TNNT1: variants seen among roughly 807,000 people sequenced by gnomAD.
TNNT1 encodes the protein troponin T1, slow skeletal type.
In TNNT1, 53 loss-of-function variants were observed where a neutral mutation model predicts 50.6. The observed-to-expected ratio is 1.05, with a 90% CI of 0.84 to 1.32. The LOEUF (loss-of-function observed/expected upper bound fraction) is 1.32, where lower values mean the gene tolerates loss of function less well. Ranked by LOEUF, TNNT1 falls within the 40% of genes most tolerant of loss-of-function variation. The pLI, the probability that TNNT1 is intolerant of heterozygous loss-of-function variation, is 0.00. For synonymous variants in TNNT1, 142 were observed against 138.0 expected, an observed-to-expected ratio of 1.03 and a Z score of -0.20; for missense variants, 348 against 381.7, an observed-to-expected ratio of 0.91 and a Z score of 0.74.
At chr19:55,145,151 AAAC>A (rs1346846477) in intron 6 of TNNT1, among the ~76,000 whole-genome samples, 5 of 149,506 alleles carry the variant, frequency 3.3e-5, no homozygotes, top group African/African-American at 1.0e-4. Flanking sequence ...AAAAAAAAAA[AAAC>A]CAGGTGTGGT....
chr19:55,135,524 C>CCT, intron 11 of TNNT1: 1 of 231,476 alleles, frequency 4.3e-6, no homozygotes, highest in Non-Finnish European at 8.2e-6. Flanking sequence ...CTCACCTCAG[C>CCT]CTTTTTTTTT....
At chr19:55,147,262 G>A in intron 1 of TNNT1, 94 bp from the exon 2 acceptor site, 1 of 1,229,426 alleles carries the variant, frequency 8.1e-7, no homozygotes, top group Non-Finnish European at 1.2e-6. Context: ...CTGGGGGCCT[G>A]GACTCCTGGG....
chr19:55,141,477 G>C (rs947363808), intron 7 of TNNT1, among the ~76,000 whole-genome samples, 175 bp from the exon 8 acceptor site: 5 of 151,776 alleles, frequency 3.3e-5, no homozygotes, highest in African/African-American at 1.2e-4. Flanking sequence ...GCTTCCCAAA[G>C]ACGGGAGTGG....
intron 9 of TNNT1, 77 bp from the exon 10 acceptor site, chr19:55,138,151 G>A: frequency 6.2e-7 from 1 of 1,610,304 alleles, no homozygotes; most frequent in Non-Finnish European, 8.5e-7. Context: ...GTGGAACTGG[G>A]GCACAGGGAT....
At chr19:55,133,325 G>C (rs905092753) in intron 13 of TNNT1, among the ~76,000 whole-genome samples, 2 of 151,996 alleles carry the variant, frequency 1.3e-5, no homozygotes, top group African/African-American at 2.4e-5. Flanking sequence ...GGGAGAAGAG[G>C]AGAAGGGAGA....
At chr19:55,148,947 G>A (rs562558780) in intron 1 of TNNT1, among the ~76,000 whole-genome samples, 2 of 152,084 alleles carry the variant, frequency 1.3e-5, no homozygotes, top group South Asian at 2.1e-4. Context: ...GGCAGCCCCG[G>A]GTTAGGATTT....
rs990953458 is a variant in TNNT1, at chr19:55,146,427, C to T, written c.106+7G>A. On this transcript the variant is annotated splice_region_variant and intron_variant, in intron 5 of 13. Coordinates refer to ENST00000588981, the MANE Select transcript of TNNT1 (RefSeq NM_003283.6). ...TCGGTCTCGGGAAGCGAAGCAGCCGCGGTTACCTGGCTCTGCCACCGGCTC... is the reference window on the plus strand; with the variant it reads ...TCGGTCTCGGGAAGCGAAGCAGCCGTGGTTACCTGGCTCTGCCACCGGCTC... 56 of 1,161,076 alleles carry T rather than the reference C, an allele frequency of 4.8e-5. No homozygotes were observed. In the African/African-American group the frequency reaches 8.5e-4, roughly 18 times the overall value. 71.9% of individuals were successfully genotyped at this position (1,161,076 alleles called of 1,614,324 possible). A position where few individuals can be genotyped will look rare whatever the true frequency, so the allele number is the denominator to read the frequency against.
rs1314161035 is a variant in TNNT1 at position 55,147,134 on chromosome 19, T to C, written c.24A>G (p.Glu8=). 3 of 1,613,890 alleles carry C rather than the reference T, an allele frequency of 1.9e-6. No individual in the cohort carries two copies. Among genetic ancestry groups the C allele is most frequent in the Admixed American group, 1.7e-5 (1 of 59,984 alleles). Reference sequence around the variant, plus strand: ...CCCAGTGCAGCACTCACTCCTCATATTCCTGCTCCTCGGTGTCCGACATCC... The same window carrying C: ...CCCAGTGCAGCACTCACTCCTCATACTCCTGCTCCTCGGTGTCCGACATCC... The part of the protein sequence containing the change: MSDTEEQ[E]YEEEQPEEEA... Residue 8 remains glutamate (E), a synonymous_variant, in exon 2 of 14, where the codon GAA becomes GAG. Transcript: ENST00000588981.
intron 7 of TNNT1, 121 bp downstream of exon 7, chr19:55,141,736 T>G: frequency 1.7e-6 from 2 of 1,186,340 alleles, no homozygotes; most frequent in Non-Finnish European, 2.5e-6. Flanking sequence ...CACCTCAGCC[T>G]CCCAAAGTGC....
intron 6 of TNNT1, among the ~76,000 whole-genome samples, chr19:55,144,361 C>A (rs569787980): frequency 6.6e-6 from 1 of 151,972 alleles, no homozygotes; most frequent in Non-Finnish European, 1.5e-5. Context: ...TGAACCACTG[C>A]GCCCGGCCCC....
chr19:55,148,970 A>G (rs548619480), intron 1 of TNNT1, among the ~76,000 whole-genome samples, 191 bp downstream of exon 1: 3 of 151,822 alleles, frequency 2.0e-5, no homozygotes, highest in African/African-American at 7.2e-5. Context: ...GTAACCCACA[A>G]ATCCTAGTAT....
chr19:55,132,991 AG>A, intron 13 of TNNT1, 31 bp from the exon 14 acceptor site: 1 of 1,579,322 alleles, frequency 6.3e-7, no homozygotes, highest in Non-Finnish European at 8.6e-7. Context: ...ATCAGGAAAA[AG>A]GGGCCCCTCC....
chr19:55,138,694 G>A (rs1261426721), intron 9 of TNNT1, among the ~76,000 whole-genome samples: 3 of 152,264 alleles, frequency 2.0e-5, no homozygotes, highest in South Asian at 4.1e-4. Context: ...TCTGCTGTAC[G>A]ACCTCACTCC....
rs1332334870 is a variant in TNNT1, at chr19:55,141,829, GC to G, written c.192+27del. On this transcript the variant is annotated intron_variant, in intron 7 of 13. Transcript: ENST00000588981. The stretch of plus-strand genomic sequence containing the variant: ...AGGCCCCTTAAAGACTAGCAACTGC[GC>G]CTGCGGAGGGGTCTCTTGTCACTTA... 4 of 1,612,816 alleles carry G rather than the reference GC, an allele frequency of 2.5e-6. No homozygotes were observed. In the East Asian group the frequency reaches 8.9e-5, roughly 36 times the overall value.
intron 11 of TNNT1, among the ~76,000 whole-genome samples, chr19:55,134,456 C>A (rs1459740063): frequency 6.6e-6 from 1 of 151,414 alleles, no homozygotes; most frequent in Non-Finnish European, 1.5e-5. Context: ...GAGGCAGAGG[C>A]CAGCAGAACA....
rs1242683286 is a variant in TNNT1 at position 55,134,198 on chromosome 19, C to T, written c.618G>A (p.Arg206=). Residue 206 remains arginine (R), a synonymous_variant, in exon 12 of 14, where the codon CGG becomes CGA. Transcript: ENST00000588981. ...GCTGTGATGGAGGCAGCCAGGCAGA[C>T]CGGGCCCTAGGCCCAGGGACGGAGA... The part of the protein sequence containing the change: ...DYMGEEQLRA[R]SAWLPPSQPS... 1 of 1,573,192 alleles carries T rather than the reference C, an allele frequency of 6.4e-7. No individual in the cohort carries two copies. Among genetic ancestry groups the T allele is most frequent in the Non-Finnish European group, 8.6e-7 (1 of 1,159,176 alleles).
rs927665934 is a variant in TNNT1 at position 55,145,473 on chromosome 19, C to T, written c.128+71G>A. ...CCCTCCATCTCTGCCTTTCTCACAC[C>T]TTGTCTCTGGGGGTAGAGGGAATAT... On this transcript the variant is annotated intron_variant, in intron 6 of 13. Coordinates refer to ENST00000588981, the MANE Select transcript of TNNT1 (RefSeq NM_003283.6). The T allele has an allele frequency of 6.0e-6, 9 of 1,504,910 alleles. No homozygotes were observed. The African/African-American group carries it at 9.7e-5, about 16-fold the overall frequency. The allele number at this position is 1,504,910 out of a possible 1,614,324, so 93.2% of individuals were successfully genotyped here.
At chr19:55,148,374 T>G (rs1342640600) in intron 1 of TNNT1, among the ~76,000 whole-genome samples, 2 of 152,026 alleles carry the variant, frequency 1.3e-5, no homozygotes, top group Non-Finnish European at 2.9e-5. Flanking sequence ...GGGCACCTTC[T>G]GTCCGTAGAC....
chr19:55,149,100 C>T (rs2085633087), intron 1 of TNNT1, 61 bp downstream of exon 1: 1 of 454,998 alleles, frequency 2.2e-6, no homozygotes, highest in Non-Finnish European at 4.4e-6. Flanking sequence ...CCACCTGCCT[C>T]CTGCCCCCTC....
Sources: gnomAD v4.1 joint callset for allele counts (sites outside exome capture counted in the v4.1 genomes callset) on GRCh38, gnomAD v4.1.1 for gene constraint, MANE v1.5 for transcripts, NCBI Gene and HGNC (gene_info 2026-07-23, HGNC 2026-07-21) for gene names.